RAB40B: variants seen among roughly 807,000 people sequenced by gnomAD.
RAB40B encodes RAB40B, member RAS oncogene family.
Under a neutral mutation model 24.0 loss-of-function variants are expected in RAB40B, and 21 were observed. The ratio of observed to expected loss-of-function variants is 0.88; its 90% CI spans 0.62 to 1.26. The LOEUF is 1.26. Ranked by LOEUF, RAB40B falls within the 50% of genes most tolerant of loss-of-function variation. The pLI is 0.00. For synonymous variants in RAB40B, 167 were observed against 169.8 expected (o/e 0.98, Z 0.13); for missense variants, 348 against 390.5 (o/e 0.89, Z 0.92).
At chr17:82,674,937 C>G (rs2046381672) in intron 1 of RAB40B, among the ~76,000 whole-genome samples, 1 of 152,154 alleles carries the variant, frequency 6.6e-6, no homozygotes, top group South Asian at 2.1e-4. Context: ...TCCAGCCACG[C>G]CTGAAACTAC....
At chr17:82,659,308 G>A in intron 4 of RAB40B, 1 of 473,108 alleles carries the variant, frequency 2.1e-6, no homozygotes, top group Non-Finnish European at 3.9e-6. Flanking sequence ...AGTGAAGCAG[G>A]CCAAACCTGA....
At chr17:82,676,558 G>T (rs1034182800) in intron 1 of RAB40B, among the ~76,000 whole-genome samples, 1 of 151,528 alleles carries the variant, frequency 6.6e-6, no homozygotes, top group Admixed American at 6.6e-5. Context: ...CTTTGCATTC[G>T]GATGGGTCCT....
chr17:82,688,954 T>C (rs1189726552), intron 1 of RAB40B, among the ~76,000 whole-genome samples: 1 of 152,180 alleles, frequency 6.6e-6, no homozygotes, highest in Non-Finnish European at 1.5e-5. Flanking sequence ...TAAAAATTGT[T>C]TTGTTTGATA....
chr17:82,669,297 G>T (rs1441652073), intron 1 of RAB40B, among the ~76,000 whole-genome samples: 3 of 152,128 alleles, frequency 2.0e-5, no homozygotes. Flanking sequence ...CCAACATGGA[G>T]AAACCTTGTC....
intron 1 of RAB40B, among the ~76,000 whole-genome samples, chr17:82,691,389 T>A (rs1483749441): frequency 6.6e-6 from 1 of 151,802 alleles, no homozygotes; most frequent in Non-Finnish European, 1.5e-5. Flanking sequence ...CTGTCACCAA[T>A]AAACATGTGC....
chr17:82,663,812 C>T lies in RAB40B; in HGVS notation c.203+684G>A, dbSNP rs2143464707. ...TCCCCTCTTGGCATCTTCCCACAGA[C>T]ACCAGGCCACAGGTTCTGATCCCAA... On this transcript the variant is annotated intron_variant, in intron 2 of 5. Transcript: ENST00000571995. The surrounding 1 kb of genome is among the most constrained non-coding windows in gnomAD (Gnocchi z 6.2). 6.6e-6 allele frequency among the ~76,000 whole-genome samples: 1 copy of T among 152,310 alleles called. No individual in the cohort carries two copies.
At chr17:82,658,466 C>T (rs1438956866) in intron 5 of RAB40B, 25 bp downstream of exon 5, 14 of 1,607,118 alleles carry the variant, frequency 8.7e-6, no homozygotes, top group Admixed American at 3.3e-5. Flanking sequence ...GCAGAGGTGG[C>T]CCCCGGAATA....
At chr17:82,693,501 C>T (rs2046578637) in intron 1 of RAB40B, among the ~76,000 whole-genome samples, 1 of 152,236 alleles carries the variant, frequency 6.6e-6, no homozygotes. Context: ...CGAGAATCTA[C>T]TACAGGGAAA....
chr17:82,669,753 C>T (rs369423690), intron 1 of RAB40B, among the ~76,000 whole-genome samples: 1 of 152,198 alleles, frequency 6.6e-6, no homozygotes, highest in Admixed American at 6.5e-5. Flanking sequence ...TGTGAAATTA[C>T]GCTTTGAGCG....
At chr17:82,677,465 G>A (rs1409198179) in intron 1 of RAB40B, among the ~76,000 whole-genome samples, 1 of 152,176 alleles carries the variant, frequency 6.6e-6, no homozygotes, top group African/African-American at 2.4e-5. Context: ...GGCCCATCCT[G>A]CAGCGGCCAG....
At chr17:82,695,731 A>G (rs140481976) in intron 1 of RAB40B, among the ~76,000 whole-genome samples, 2 of 151,606 alleles carry the variant, frequency 1.3e-5, no homozygotes, top group South Asian at 2.1e-4. Flanking sequence ...AAAACAAAAC[A>G]TAATGATCTC....
At chr17:82,694,490 C>G (rs1469469470) in intron 1 of RAB40B, among the ~76,000 whole-genome samples, 2 of 151,436 alleles carry the variant, frequency 1.3e-5, no homozygotes, top group Non-Finnish European at 2.9e-5. Context: ...TGAGATCACA[C>G]CACTGCACTC....
chr17:82,698,127 G>C (rs1485939169), intron 1 of RAB40B, among the ~76,000 whole-genome samples: 19 of 151,982 alleles, frequency 1.3e-4, no homozygotes, highest in Non-Finnish European at 1.5e-5. Context: ...GCCCGGCCCA[G>C]CCGCGGGCTC....
rs932844841 is a variant in RAB40B at position 82,663,237 on chromosome 17, C to T, written c.203+1259G>A. 5.3e-5 allele frequency among the ~76,000 whole-genome samples: 8 copies of T among 151,316 alleles called. No homozygotes were observed. Among genetic ancestry groups the T allele is most frequent in the South Asian group, 2.1e-4 (1 of 4,772 alleles). ...CTCCCCAGGACTGGCCACTACTAGA[C>T]GGGGCAGGCGTAGGAAGGGGACAGG... On this transcript the variant is annotated intron_variant, in intron 2 of 5. Transcript: ENST00000571995. This position sits in a 1 kb window ranked among gnomAD's most constrained non-coding sequence, Gnocchi z 6.2.
At chr17:82,695,010 G>A (rs2046594143) in intron 1 of RAB40B, among the ~76,000 whole-genome samples, 2 of 151,738 alleles carry the variant, frequency 1.3e-5, no homozygotes, top group Non-Finnish European at 2.9e-5. Context: ...GGTGAGCACT[G>A]ACTGTATTTA....
rs1292142009 is a variant in RAB40B, at chr17:82,697,990, G to A, written c.142+465C>T. Among the ~76,000 whole-genome samples the A allele has an allele frequency of 1.3e-5, 2 of 151,764 alleles. No individual in the cohort carries two copies. Among genetic ancestry groups the A allele is most frequent in the African/African-American group, 2.4e-5 (1 of 41,286 alleles). On this transcript the variant is annotated intron_variant, in intron 1 of 5. Transcript: ENST00000571995. The surrounding 1 kb of genome is among the most constrained non-coding windows in gnomAD (Gnocchi z 4.9). ...CCTGGGCGCCTGCTCGCCGCGCTCC[G>A]CCCCAGGAGCCCCGGAGCTCGCGTC...
At chr17:82,672,142 C>T (rs186067643) in intron 1 of RAB40B, among the ~76,000 whole-genome samples, 4 of 60,134 alleles carry the variant, frequency 6.7e-5, no homozygotes, top group Admixed American at 2.1e-4. Flanking sequence ...CTCCCTGTAC[C>T]CACTGACACA....
At chr17:82,685,363 G>GTGGCCGTGCACTTA (rs199572182) in intron 1 of RAB40B, among the ~76,000 whole-genome samples, 4,604 of 151,428 alleles carry the variant, frequency 0.03, 217 homozygotes, top group African/African-American at 0.11. Flanking sequence ...GCACTCAACT[G>GTGGCCGTGCACTTA]AACGCAGATT....
At chr17:82,668,952 C>CGCG (rs1209632454) in intron 1 of RAB40B, among the ~76,000 whole-genome samples, 1 of 152,248 alleles carries the variant, frequency 6.6e-6, no homozygotes, top group Non-Finnish European at 1.5e-5. Flanking sequence ...CAGTGGGGCA[C>CGCG]GCGGCGTAGC....
Sources: allele counts gnomAD v4.1 joint callset (sites outside exome capture counted in the v4.1 genomes callset), GRCh38; gene constraint gnomAD v4.1.1; non-coding constraint Gnocchi (gnomAD v3.1); transcripts MANE v1.5; gene names NCBI Gene and HGNC (gene_info 2026-07-23, HGNC 2026-07-21).